The following ANKRD26 variants were observed in gnomAD, a reference collection of about 807,000 sequenced individuals.
ANKRD26 encodes ankyrin repeat domain 26, also known as ankyrin repeat domain-containing protein 26.
Under a neutral mutation model 208.7 loss-of-function variants are expected in ANKRD26, and 141 were observed. The observed-to-expected ratio is 0.68, with a 90% confidence interval of 0.59 to 0.78. ANKRD26 has a LOEUF of 0.78. Ranked by LOEUF, ANKRD26 falls within the 30% of genes least tolerant of loss-of-function variation. The pLI, the probability that ANKRD26 is intolerant of heterozygous loss-of-function variation, is 0.00. For synonymous variants in ANKRD26, 636 were observed against 660.4 expected (o/e 0.96, Z 0.57); for missense variants, 1,889 against 1,938.7 (o/e 0.97, Z 0.48).
intron 9 of ANKRD26, among the ~76,000 whole-genome samples, chr10:27,071,410 G>A (rs2055491380): frequency 2.0e-5 from 3 of 150,290 alleles, no homozygotes; most frequent in Admixed American, 6.6e-5. Context: ...TCCTGACCTC[G>A]TGATCCGCCC....
In ANKRD26 at chr10:27,022,419, T is replaced by C. The variant is rs140648515; in HGVS notation, c.4215+139A>G. 3.9e-5 allele frequency: 24 copies of C among 616,278 alleles called. No individual in the cohort carries two copies. In the African/African-American group the frequency reaches 4.1e-4, roughly 11 times the overall value. The allele number at this position is 616,278 out of a possible 1,614,324, so 38.2% of individuals were successfully genotyped here. A position where few individuals can be genotyped will look rare whatever the true frequency, so the allele number is the denominator to read the frequency against. On this transcript the variant is annotated intron_variant, in intron 29 of 33. Transcript: ENST00000376087. The stretch of plus-strand genomic sequence containing the variant: ...GCCCATGTACCTCTGAACTTAAAAG[T>C]TTAAAAAAAGTTTTTTTATTAGTAT...
intron 27 of ANKRD26, among the ~76,000 whole-genome samples, chr10:27,026,165 T>C (rs778410094): frequency 1.3e-5 from 2 of 152,236 alleles, no homozygotes; most frequent in African/African-American, 2.4e-5. Context: ...TTAGGGGCTA[T>C]TGATGAGTTG....
chr10:26,962,881 G>T, the ANKRD26 span, among the ~76,000 whole-genome samples: 1 of 152,090 alleles, frequency 6.6e-6, no homozygotes, highest in Non-Finnish European at 1.5e-5. Context: ...CCATGCACTC[G>T]GTCTTTAATA....
Position 27,093,405 on chromosome 10 carries a change from T to A in ANKRD26, c.475A>T (p.Ile159Leu), listed in dbSNP as rs201548038. Residue 159 changes from isoleucine (I) to leucine (L), a missense_variant, in exon 3 of 34, where the codon ATA becomes TTA. Ile to Leu is a conservative substitution (Grantham distance 5). Around this residue, in one of 3 missense-constraint regions of ANKRD26, gnomAD observed 1,272 missense variants for 1,273.8 expected, o/e 1.00. Transcript: ENST00000376087. ...ALHYAVYNEDISVATKLLLYD... is the reference protein window; with the variant it reads ...ALHYAVYNEDLSVATKLLLYD... ...AAAAGCAGCTTTGTTGCTACTGATA[T>A]GTCCTCATTATAGACAGCATAGTGA... is the stretch of plus-strand genomic sequence containing the variant. 2 of 1,614,204 alleles carry A rather than the reference T, an allele frequency of 1.2e-6. No individual in the cohort carries two copies. The highest frequency in any genetic ancestry group is 4.5e-5 in the East Asian group (2 of 44,886).
chr10:27,064,114 T>C lies in ANKRD26; in HGVS notation c.1270-33A>G, dbSNP rs200935919. The C allele has an allele frequency of 3.5e-6, 5 of 1,434,038 alleles. No homozygotes were observed. In the South Asian group the frequency reaches 3.6e-5, roughly 10 times the overall value. 88.8% of individuals were successfully genotyped at this position (1,434,038 alleles called of 1,614,324 possible). ...AATTAGTATCAATAATGAGTTTCAA[T>C]TTTACAAAAAGAATGAATTGCTAAA... On this transcript the variant is annotated intron_variant, in intron 11 of 33. Transcript: ENST00000376087.
intron 4 of ANKRD26, among the ~76,000 whole-genome samples, chr10:26,995,756 C>A (rs979191270): frequency 6.6e-6 from 1 of 152,174 alleles, no homozygotes; most frequent in Non-Finnish European, 1.5e-5. Context: ...TCTTGAGACA[C>A]CTTGTCCCTT....
At chr10:27,043,393 T>C (rs1173367266) in intron 20 of ANKRD26, 33 bp downstream of exon 20, 8 of 1,607,792 alleles carry the variant, frequency 5.0e-6, no homozygotes, top group Non-Finnish European at 6.8e-6. Flanking sequence ...ATGGGATACA[T>C]AAAAAGGCCT....
chr10:26,970,993 T>G (rs1005347171), downstream of ANKRD26, among the ~76,000 whole-genome samples: 18 of 152,166 alleles, frequency 1.2e-4, no homozygotes, highest in African/African-American at 4.1e-4. Flanking sequence ...CTACCCAGGA[T>G]AGATACAGGA....
chr10:27,066,359 A>C, intron 11 of ANKRD26, 128 bp downstream of exon 11: 1 of 605,898 alleles, frequency 1.7e-6, no homozygotes, highest in East Asian at 2.8e-5. Context: ...TATGAACTGA[A>C]AAATATAAGA....
intron 4 of ANKRD26, among the ~76,000 whole-genome samples, chr10:27,090,169 G>A (rs2056253013): frequency 6.6e-6 from 1 of 152,310 alleles, no homozygotes; most frequent in East Asian, 1.9e-4. Flanking sequence ...GATATGGCCA[G>A]CCATGGTGGC....
the ANKRD26 span, among the ~76,000 whole-genome samples, chr10:26,955,820 C>T: frequency 2.4e-4 from 37 of 152,236 alleles, no homozygotes; most frequent in African/African-American, 8.7e-4. Flanking sequence ...TCCTGTTGAT[C>T]CTGTGGAAGA....
intron 32 of ANKRD26, among the ~76,000 whole-genome samples, chr10:27,007,898 A>G (rs2052948789): frequency 6.6e-6 from 1 of 152,110 alleles, no homozygotes; most frequent in Non-Finnish European, 1.5e-5. Flanking sequence ...AAAATGATAA[A>G]TATAAGTTGG....
chr10:27,020,697 C>T (rs1259656233), intron 29 of ANKRD26, among the ~76,000 whole-genome samples: 1 of 152,162 alleles, frequency 6.6e-6, no homozygotes, highest in Non-Finnish European at 1.5e-5. Flanking sequence ...TCACTCTTGT[C>T]ACCCAGGCTG....
chr10:26,963,548 C>A, the ANKRD26 span, among the ~76,000 whole-genome samples: 2 of 152,170 alleles, frequency 1.3e-5, no homozygotes, highest in Admixed American at 1.3e-4. Context: ...CAAGGCTGTG[C>A]AGAGTAAGTA....
chr10:27,070,504 G>A (rs557441453), intron 9 of ANKRD26, among the ~76,000 whole-genome samples: 19 of 152,224 alleles, frequency 1.2e-4, no homozygotes, highest in South Asian at 4.1e-4. Flanking sequence ...ACACAGAAAA[G>A]GACTAAAAAA....
intron 1 of ANKRD26, 117 bp downstream of exon 1, chr10:27,099,968 G>C (rs2056593769): frequency 6.5e-7 from 1 of 1,537,156 alleles, no homozygotes. Context: ...CACCGTCCCA[G>C]GGGCTACGGA....
At chr10:26,980,304 G>T (rs2052288108) in intron 5 of ANKRD26, among the ~76,000 whole-genome samples, 1 of 152,304 alleles carries the variant, frequency 6.6e-6, no homozygotes, top group Non-Finnish European at 1.5e-5. Context: ...AACTTTTGGG[G>T]ACTTGTTGTC....
chr10:27,020,950 C>G (rs549679703), intron 29 of ANKRD26, among the ~76,000 whole-genome samples: 1 of 152,004 alleles, frequency 6.6e-6, no homozygotes, highest in East Asian at 1.9e-4. Context: ...CATGAGCCAC[C>G]GTACCCAGCC....
chr10:27,093,198 A>T, intron 3 of ANKRD26, 151 bp downstream of exon 3: 1 of 761,478 alleles, frequency 1.3e-6, no homozygotes. Context: ...ATCAACATTT[A>T]AAGTAAAATC....
Sources: allele counts gnomAD v4.1 joint callset (sites outside exome capture counted in the v4.1 genomes callset), GRCh38; gene constraint gnomAD v4.1.1; regional missense constraint gnomAD v4.1.1; transcripts MANE v1.5; gene names NCBI Gene and HGNC (gene_info 2026-07-23, HGNC 2026-07-21).